The following DENND5A variants were observed in gnomAD, a reference collection of about 807,000 sequenced individuals.
DENND5A encodes the protein DENN domain-containing protein 5A.
Under a neutral mutation model 140.3 loss-of-function variants are expected in DENND5A, and 64 were observed. The observed-to-expected ratio is 0.46, with a 90% confidence interval of 0.37 to 0.56. DENND5A has a LOEUF of 0.56. Among genes scored for constraint, DENND5A ranks in the 20% least tolerant of loss-of-function variants. DENND5A has a pLI of 0.00. For synonymous variants in DENND5A, 605 were observed against 607.7 expected (o/e 1.00, Z 0.07); for missense variants, 1,292 against 1,593.8 (o/e 0.81, Z 3.22).
At chr11:9,198,106 G>A (rs997069960) in intron 4 of DENND5A, among the ~76,000 whole-genome samples, 1 of 151,792 alleles carries the variant, frequency 6.6e-6, no homozygotes, top group Non-Finnish European at 1.5e-5. Context: ...TAAAATCTGA[G>A]GGCAAAAAGA....
chr11:9,189,618 G>GTT (rs77938128), intron 5 of DENND5A, among the ~76,000 whole-genome samples: 21,536 of 145,008 alleles, frequency 0.15, 1,898 homozygotes, highest in Non-Finnish European at 0.21. Flanking sequence ...CTGTTGTTTG[G>GTT]TTTTTTTTTT....
chr11:9,239,323 C>T (rs1473621007), intron 1 of DENND5A, among the ~76,000 whole-genome samples: 1 of 150,794 alleles, frequency 6.6e-6, no homozygotes, highest in Non-Finnish European at 1.5e-5. Flanking sequence ...CACACCACCA[C>T]ACCTGGCTAA....
In DENND5A at chr11:9,164,056, G is replaced by GTTTTTTTTT. The variant is rs768604681; in HGVS notation, c.2283+1771_2283+1779dup. Among the ~76,000 whole-genome samples the GTTTTTTTTT allele has an allele frequency of 1.3e-3, 73 of 57,960 alleles. 9 individuals are homozygous for GTTTTTTTTT. The highest frequency in any genetic ancestry group is 1.8e-3 in the East Asian group (3 of 1,712). 38.0% of individuals were successfully genotyped at this position (57,960 alleles called of 152,430 possible). A position where few individuals can be genotyped will look rare whatever the true frequency, so the allele number is the denominator to read the frequency against. On this transcript the variant is annotated intron_variant, in intron 11 of 22. Transcript: ENST00000328194. ...ATATCAGTACTGATATATTAATCAG[G>GTTTTTTTTT]TTTTTTTTTTTTTTTTTTTTTTTTT... is the stretch of plus-strand genomic sequence containing the variant.
intron 9 of DENND5A, chr11:9,170,368 G>T: frequency 2.4e-6 from 2 of 840,240 alleles, no homozygotes; most frequent in Non-Finnish European, 2.9e-6. Flanking sequence ...GGCATGAGAT[G>T]ATTTTAACCC....
At chr11:9,172,904 C>T (rs1848417795) in intron 8 of DENND5A, among the ~76,000 whole-genome samples, 1 of 152,104 alleles carries the variant, frequency 6.6e-6, no homozygotes, top group Non-Finnish European at 1.5e-5. Context: ...CAACCTCCAC[C>T]TTCCGGGTTC....
intron 22 of DENND5A, chr11:9,140,397 T>C (rs1847197705): frequency 5.1e-6 from 2 of 393,436 alleles, no homozygotes; most frequent in Admixed American, 3.1e-5. Context: ...CTGGAGTCTG[T>C]TTTTAACCAC....
intron 1 of DENND5A, among the ~76,000 whole-genome samples, chr11:9,262,650 C>T (rs1487805108): frequency 6.6e-6 from 1 of 152,080 alleles, no homozygotes; most frequent in African/African-American, 2.4e-5. Flanking sequence ...AAACTTACTA[C>T]ATATGAAAAA....
intron 12 of DENND5A, among the ~76,000 whole-genome samples, chr11:9,157,578 G>A (rs1847851679): frequency 6.6e-6 from 1 of 152,148 alleles, no homozygotes; most frequent in African/African-American, 2.4e-5. Flanking sequence ...GTGAGAACAA[G>A]CAGTATTTGG....
rs1357214233 is a variant in DENND5A, at chr11:9,259,386, A to G, written c.109+5575T>C. On this transcript the variant is annotated intron_variant, in intron 1 of 22. Coordinates refer to ENST00000328194, the MANE Select transcript of DENND5A (RefSeq NM_015213.4). ...ATCCTGGCTAACACGGTGACACCCC[A>G]TCTCTACTAAAAAAAAAAAGTACAA... Among the ~76,000 whole-genome samples, 10 of 150,454 alleles carry G rather than the reference A, an allele frequency of 6.6e-5. 1 individual carries two copies. In the South Asian group the frequency reaches 1.9e-3, roughly 28 times the overall value.
chr11:9,174,958 A>T (rs966981345), intron 8 of DENND5A, among the ~76,000 whole-genome samples: 5 of 150,354 alleles, frequency 3.3e-5, no homozygotes, highest in African/African-American at 1.2e-4. Context: ...ATACAGAAAA[A>T]AAATAAATAA....
chr11:9,170,416 A>C (rs1393801596), intron 9 of DENND5A: 1 of 536,966 alleles, frequency 1.9e-6, no homozygotes, highest in African/African-American at 2.1e-5. Flanking sequence ...ATATGGAGCT[A>C]TCCCAATCTG....
At chr11:9,182,998 C>T (rs1203300399) in intron 5 of DENND5A, among the ~76,000 whole-genome samples, 1 of 152,146 alleles carries the variant, frequency 6.6e-6, no homozygotes, top group African/African-American at 2.4e-5. Context: ...CCCATTTGAT[C>T]ATTACATACA....
intron 1 of DENND5A, among the ~76,000 whole-genome samples, chr11:9,244,783 T>A (rs778493074): frequency 1.8e-4 from 28 of 152,040 alleles, no homozygotes; most frequent in Non-Finnish European, 2.9e-4. Context: ...CAAGCAATCC[T>A]CCCACCTCAG....
In DENND5A at chr11:9,152,330, A is replaced by C. The variant is rs1047601067; in HGVS notation, c.2521+28T>G. On this transcript the variant is annotated intron_variant, in intron 13 of 22. Transcript: ENST00000328194. ...GGTGATGGAAAAGTGGAGAGAGGGC[A>C]GACTCTCCATTGCAGAGACTATCTT... 3.4e-6 allele frequency: 5 copies of C among 1,489,286 alleles called. No homozygotes were observed. The African/African-American group carries it at 6.9e-5, about 21-fold the overall frequency. 92.3% of individuals were successfully genotyped at this position (1,489,286 alleles called of 1,614,324 possible).
rs530224104 is a variant in DENND5A at position 9,172,908 on chromosome 11, C to T, written c.1907-2131G>A. 9.2e-5 allele frequency among the ~76,000 whole-genome samples: 14 copies of T among 152,124 alleles called. No individual in the cohort carries two copies. The South Asian group carries it at 2.7e-3, about 29-fold the overall frequency. ...TTGGCTCACTACAACCTCCACCTTC[C>T]GGGTTCAAGCAATTCTTGTGCCTCA... is the stretch of plus-strand genomic sequence containing the variant. On this transcript the variant is annotated intron_variant, in intron 8 of 22. Transcript: ENST00000328194.
At chr11:9,191,445 G>A (rs928784225) in intron 5 of DENND5A, among the ~76,000 whole-genome samples, 1 of 152,158 alleles carries the variant, frequency 6.6e-6, no homozygotes, top group African/African-American at 2.4e-5. Context: ...TCACCATGTT[G>A]ACCAGACTGG....
intron 1 of DENND5A, among the ~76,000 whole-genome samples, chr11:9,255,080 T>C (rs949444524): frequency 6.6e-6 from 1 of 151,430 alleles, no homozygotes; most frequent in African/African-American, 2.4e-5. Flanking sequence ...CAAAAAATAA[T>C]AAATAAAATA....
chr11:9,146,880 C>A (rs1166030178), intron 16 of DENND5A, 150 bp downstream of exon 16: 5 of 816,658 alleles, frequency 6.1e-6, no homozygotes, highest in Non-Finnish European at 9.7e-6. Context: ...CCAAGGAGGG[C>A]AAGTGCACCT....
intron 8 of DENND5A, among the ~76,000 whole-genome samples, chr11:9,174,136 A>G (rs1390910208): frequency 6.6e-6 from 1 of 150,594 alleles, no homozygotes; most frequent in Non-Finnish European, 1.5e-5. Context: ...AAAAGAAAAA[A>G]AAATTGAAAA....
Sources: gnomAD v4.1 joint callset for allele counts (sites outside exome capture counted in the v4.1 genomes callset) on GRCh38, gnomAD v4.1.1 for gene constraint, MANE v1.5 for transcripts, NCBI Gene and HGNC (gene_info 2026-07-23, HGNC 2026-07-21) for gene names.